The following TANC2 variants were observed in gnomAD, a reference collection of about 807,000 sequenced individuals.
TANC2 encodes protein TANC2.
In TANC2, 26 loss-of-function variants were observed where a neutral mutation model predicts 210.5. That is an observed-to-expected ratio of 0.12 (90% CI 0.09 to 0.17). The LOEUF (loss-of-function observed/expected upper bound fraction) is 0.17. Ranked by LOEUF, TANC2 falls within the 10% of genes least tolerant of loss-of-function variation. TANC2 has a pLI of 1.00. For missense variants in TANC2, 2,129 were observed against 2,608.9 expected (o/e 0.82, Z 4.01); for synonymous variants, 931 against 967.1 (o/e 0.96, Z 0.69).
chr17:62,967,312 A>G (rs1452362923), intron 1 of TANC2: 1 of 152,176 alleles, frequency 6.6e-6, no homozygotes, highest in Non-Finnish European at 1.5e-5. Flanking sequence ...TGAGGTAGAG[A>G]AAGTAACCAC....
At chr17:63,046,938 T>G (rs2035406299) in intron 2 of TANC2, among the ~76,000 whole-genome samples, 1 of 152,170 alleles carries the variant, frequency 6.6e-6, no homozygotes, top group African/African-American at 2.4e-5. Context: ...AGAAAGAGGT[T>G]GTGTTTTTTT....
intron 9 of TANC2, among the ~76,000 whole-genome samples, chr17:63,270,332 T>G (rs2043661221): frequency 6.6e-6 from 1 of 152,186 alleles, no homozygotes; most frequent in Non-Finnish European, 1.5e-5. Context: ...CTTATGTTTC[T>G]TCAGACCTGC....
intron 9 of TANC2, among the ~76,000 whole-genome samples, chr17:63,304,655 C>G (rs1342534230): frequency 6.6e-6 from 1 of 152,170 alleles, no homozygotes; most frequent in Non-Finnish European, 1.5e-5. Context: ...CTTGTCTGGG[C>G]TCCCTGGATT....
At chr17:63,368,875 T>C (rs1047927226) in intron 14 of TANC2, among the ~76,000 whole-genome samples, 16 of 152,184 alleles carry the variant, frequency 1.1e-4, no homozygotes, top group Non-Finnish European at 2.1e-4. Context: ...AGTAAGAGAC[T>C]AAACATAGAA....
intron 11 of TANC2, among the ~76,000 whole-genome samples, chr17:63,323,324 CTG>C (rs1229127680): frequency 3.3e-5 from 5 of 152,170 alleles, no homozygotes; most frequent in African/African-American, 1.2e-4. Context: ...ATCTAGTTAA[CTG>C]AGAACACTGG....
chr17:63,314,990 GT>G (rs2146593426), intron 10 of TANC2, among the ~76,000 whole-genome samples: 2 of 152,216 alleles, frequency 1.3e-5, no homozygotes, highest in South Asian at 4.2e-4. Context: ...ATTCATCACT[GT>G]TGGATTTTGC....
chr17:63,346,435 A>G (rs1050860641), intron 12 of TANC2, among the ~76,000 whole-genome samples: 5 of 152,202 alleles, frequency 3.3e-5, no homozygotes, highest in African/African-American at 1.2e-4. Flanking sequence ...TTTTAAATGG[A>G]CAAGCGATTT....
chr17:63,298,702 CTT>C (rs991116204), intron 9 of TANC2, among the ~76,000 whole-genome samples: 2 of 152,054 alleles, frequency 1.3e-5, no homozygotes, highest in African/African-American at 4.8e-5. Flanking sequence ...TTTTAAAAAA[CTT>C]ATGTGAAGAA....
intron 4 of TANC2, among the ~76,000 whole-genome samples, chr17:63,132,999 A>G (rs1337695266): frequency 1.3e-5 from 2 of 152,132 alleles, no homozygotes; most frequent in African/African-American, 2.4e-5. Context: ...TTTGAGATGG[A>G]TGCTTGTTCT....
At position 63,412,187 on chromosome 17, in the gene TANC2, T is replaced by C; in HGVS notation, c.3898+57T>C. 1 of 1,609,858 alleles carries C rather than the reference T, an allele frequency of 6.2e-7. No homozygotes were observed. Among genetic ancestry groups the C allele is most frequent in the Admixed American group, 1.7e-5 (1 of 59,812 alleles). ...GTGCCCAGGGGCCAGACTGGTCCAGTGGTCTGGCTGCCCTGGGTATTTGGT... is the reference window on the plus strand; with the variant it reads ...GTGCCCAGGGGCCAGACTGGTCCAGCGGTCTGGCTGCCCTGGGTATTTGGT... On this transcript the variant is annotated intron_variant, in intron 23 of 27. Transcript: ENST00000689528. This position sits in a 1 kb window ranked among gnomAD's most constrained non-coding sequence, Gnocchi z 4.2.
chr17:63,322,628 A>C (rs2045532016), intron 11 of TANC2, among the ~76,000 whole-genome samples: 1 of 152,284 alleles, frequency 6.6e-6, no homozygotes, highest in Non-Finnish European at 1.5e-5. Context: ...TCCAGGACTG[A>C]AGATAAATCA....
chr17:63,129,817 T>G (rs2038852042), intron 4 of TANC2, among the ~76,000 whole-genome samples: 1 of 152,166 alleles, frequency 6.6e-6, no homozygotes, highest in Non-Finnish European at 1.5e-5. Flanking sequence ...GTGCATATGA[T>G]GAGCACTGAA....
chr17:63,413,720 C>A, intron 25 of TANC2, 86 bp downstream of exon 25: 1 of 1,276,782 alleles, frequency 7.8e-7, no homozygotes, highest in Non-Finnish European at 1.1e-6. Context: ...TGATAATTCT[C>A]ATCCTTTGCG....
At chr17:63,198,757 C>G (rs2041429547) in intron 6 of TANC2, among the ~76,000 whole-genome samples, 1 of 150,398 alleles carries the variant, frequency 6.6e-6, no homozygotes, top group Non-Finnish European at 1.5e-5. Flanking sequence ...AATAATTGCT[C>G]TGTAAGGGAA....
chr17:63,021,265 G>T (rs1408678364), intron 2 of TANC2, among the ~76,000 whole-genome samples: 1 of 152,128 alleles, frequency 6.6e-6, no homozygotes, highest in Non-Finnish European at 1.5e-5. Flanking sequence ...TTCTTCCAGG[G>T]TTCTGTGGTT....
chr17:63,087,441 G>GT (rs775600605), intron 3 of TANC2, among the ~76,000 whole-genome samples: 45 of 151,446 alleles, frequency 3.0e-4, no homozygotes, highest in African/African-American at 6.3e-4. Flanking sequence ...TTTGTTTTTT[G>GT]TTTTTTTTCT....
In TANC2 at chr17:63,343,631, T is replaced by C. The variant is rs980200690; in HGVS notation, c.1807+3299T>C. Among the ~76,000 whole-genome samples, 6 of 152,282 alleles carry C rather than the reference T, an allele frequency of 3.9e-5. No individual in the cohort carries two copies. In the South Asian group the frequency reaches 1.0e-3, roughly 26 times the overall value. On this transcript the variant is annotated intron_variant, in intron 12 of 27. Transcript: ENST00000689528. ...AACATAAAAGGAATTTAGGCTAGGC[T>C]TGGTGGCTTATGCCTGTAATCCCAG...
intron 3 of TANC2, among the ~76,000 whole-genome samples, chr17:63,086,333 C>T (rs1245626956): frequency 6.6e-6 from 1 of 152,074 alleles, no homozygotes; most frequent in Non-Finnish European, 1.5e-5. Context: ...CTGTTATTCC[C>T]ATTATGCATA....
chr17:63,065,962 C>T (rs1470063868), intron 2 of TANC2, among the ~76,000 whole-genome samples: 1 of 152,146 alleles, frequency 6.6e-6, no homozygotes, highest in Non-Finnish European at 1.5e-5. Context: ...TGACAGATTG[C>T]ACCCAGTGGT....
Sources: allele counts gnomAD v4.1 joint callset (sites outside exome capture counted in the v4.1 genomes callset), GRCh38; gene constraint gnomAD v4.1.1; non-coding constraint Gnocchi (gnomAD v3.1); transcripts MANE v1.5; gene names NCBI Gene and HGNC (gene_info 2026-07-23, HGNC 2026-07-21).